FAM81A: variants seen among roughly 807,000 people sequenced by gnomAD.
FAM81A encodes protein FAM81A.
Under a neutral mutation model 46.7 loss-of-function variants are expected in FAM81A, and 19 were observed. The observed-to-expected ratio is 0.41, with a 90% CI of 0.28 to 0.60. The LOEUF (loss-of-function observed/expected upper bound fraction) is 0.60, where lower values mean the gene tolerates loss of function less well. Among genes scored for constraint, FAM81A ranks in the 20% least tolerant of loss-of-function variants. The probability of loss-of-function intolerance (pLI) is 0.34; values close to 1 mark genes in which losing one functional copy is unlikely to be tolerated. For synonymous variants in FAM81A, 183 were observed against 152.9 expected (o/e 1.20, Z -1.45); for missense variants, 377 against 453.5 (o/e 0.83, Z 1.53).
At chr15:59,445,843 TG>T (rs542300831) in intron 1 of FAM81A, among the ~76,000 whole-genome samples, 63 of 152,366 alleles carry the variant, frequency 4.1e-4, no homozygotes, top group African/African-American at 1.5e-3. Context: ...CATTTGGTAA[TG>T]TATCTTTTCT....
chr15:59,422,034 A>G (rs1429527826), intron 2 of FAM81A, among the ~76,000 whole-genome samples: 1 of 152,106 alleles, frequency 6.6e-6, no homozygotes, highest in African/African-American at 2.4e-5. Flanking sequence ...ACAGGTGTTC[A>G]TTGTATTTTT....
intron 3 of FAM81A, among the ~76,000 whole-genome samples, chr15:59,467,638 A>G (rs113372702): frequency 0.028 from 4,249 of 152,282 alleles, 96 homozygotes; most frequent in South Asian, 0.049. Context: ...TAAATATACA[A>G]TCATGTCATC....
At position 59,460,027 on chromosome 15, in the gene FAM81A, T is replaced by C; in HGVS notation, c.115T>C (p.Cys39Arg). Residue 39 changes from cysteine to arginine, a missense_variant, in exon 3 of 9, where the codon TGC becomes CGC. Coordinates refer to ENST00000288228, the MANE Select transcript of FAM81A (RefSeq NM_152450.3). This position sits in a 1 kb window ranked among gnomAD's most constrained non-coding sequence, Gnocchi z 4.4. ...GGAGCAGCTGGAAGACAGGATCCTC[T>C]GCCATGAGAAAACCACCGCCGCCCT... The part of the protein sequence containing the change: ...LVEQLEDRIL[C>R]HEKTTAALVE... 6.2e-7 allele frequency: 1 copy of C among 1,613,840 alleles called. No homozygotes were observed. The highest frequency in any genetic ancestry group is 8.5e-7 in the Non-Finnish European group (1 of 1,179,850).
intron 2 of FAM81A, among the ~76,000 whole-genome samples, chr15:59,429,081 G>A (rs555473895): frequency 5.3e-5 from 8 of 152,324 alleles, no homozygotes; most frequent in Admixed American, 1.3e-4. Flanking sequence ...GTTTAGCTGG[G>A]TGTAGAATTC....
rs138744701 is a variant in FAM81A, at chr15:59,413,182, G to T, written c.-78+10824G>T. 9.2e-5 allele frequency among the ~76,000 whole-genome samples: 14 copies of T among 152,258 alleles called. No homozygotes were observed. In the East Asian group the frequency reaches 2.1e-3, roughly 23 times the overall value. On this transcript the variant is annotated intron_variant, in intron 2 of 4. Coordinates refer to the FAM81A transcript ENST00000558348. Reference sequence around the variant, plus strand: ...CTCCTTTCTTGTGGTCTCTGTGGGAGATGGGGGAACATGGCTTACTACTGG... The same window carrying T: ...CTCCTTTCTTGTGGTCTCTGTGGGATATGGGGGAACATGGCTTACTACTGG...
chr15:59,400,259 G>A (rs1428320520), intron 1 of FAM81A, among the ~76,000 whole-genome samples: 3 of 147,654 alleles, frequency 2.0e-5, no homozygotes, highest in African/African-American at 4.9e-5. Context: ...GAGAAAGTCA[G>A]GAGTCAGCCC....
intron 6 of FAM81A, among the ~76,000 whole-genome samples, chr15:59,513,776 C>T (rs1308275980): frequency 1.3e-5 from 2 of 152,048 alleles, no homozygotes; most frequent in South Asian, 2.1e-4. Flanking sequence ...TACATGCATA[C>T]GTATGTTCAC....
intron 1 of FAM81A, among the ~76,000 whole-genome samples, chr15:59,453,417 C>T (rs902545972): frequency 6.6e-5 from 10 of 152,264 alleles, no homozygotes; most frequent in East Asian, 3.9e-4. Context: ...TCATGAGTAC[C>T]GGCCCTTCTC....
rs1310722947 is a variant in FAM81A, at chr15:59,487,186, ATT to A, written c.295-5082_295-5081del. On this transcript the variant is annotated intron_variant, in intron 3 of 8. Transcript: ENST00000288228. The stretch of plus-strand genomic sequence containing the variant: ...GCAGCACTCCTGAATATATATATAT[ATT>A]TTATATATATATTATATATATATCT... Among the ~76,000 whole-genome samples, 19 of 129,112 alleles carry A rather than the reference ATT, an allele frequency of 1.5e-4. No homozygotes were observed. In the East Asian group the frequency reaches 2.5e-3, roughly 17 times the overall value. The allele number at this position is 129,112 out of a possible 152,430, so 84.7% of individuals were successfully genotyped here. A position where few individuals can be genotyped will look rare whatever the true frequency, so the allele number is the denominator to read the frequency against.
chr15:59,421,548 A>G (rs1400344705), intron 2 of FAM81A, among the ~76,000 whole-genome samples: 2 of 152,270 alleles, frequency 1.3e-5, no homozygotes, highest in East Asian at 3.9e-4. Flanking sequence ...CTAAAATGTC[A>G]GTCTAAATCC....
At chr15:59,407,291 C>CTTTTTTTTTTTTTTTTTTTTTTTTT (rs3053043) in intron 2 of FAM81A, 1 of 120,220 alleles carries the variant, frequency 8.3e-6, no homozygotes, top group East Asian at 2.4e-4. Context: ...CTTTTCTTTC[C>CTTTTTTTTTTTTTTTTTTTTTTTTT]TTTTTTTTTT....
intron 4 of FAM81A, among the ~76,000 whole-genome samples, chr15:59,493,812 T>A (rs1460441397): frequency 6.6e-6 from 1 of 152,186 alleles, no homozygotes; most frequent in Non-Finnish European, 1.5e-5. Context: ...GGCTTCTAAC[T>A]CCTGACCTCA....
intron 2 of FAM81A, 146 bp from the exon 3 acceptor site, chr15:59,459,787 C>A: frequency 8.1e-7 from 1 of 1,231,782 alleles, no homozygotes; most frequent in South Asian, 1.7e-5. Context: ...GTGAAGAAAA[C>A]TTTTTTAGGC....
chr15:59,471,731 C>G (rs781543395), intron 3 of FAM81A, among the ~76,000 whole-genome samples: 1 of 151,862 alleles, frequency 6.6e-6, no homozygotes, highest in Non-Finnish European at 1.5e-5. Flanking sequence ...AGCCACTGTA[C>G]CTGGTCTCCT....
Position 59,516,841 on chromosome 15 carries a change from G to C in FAM81A, c.982+1G>C. 1 of 1,594,468 alleles carries C rather than the reference G, an allele frequency of 6.3e-7. No individual in the cohort carries two copies. The highest frequency in any genetic ancestry group is 8.5e-7 in the Non-Finnish European group (1 of 1,172,830). On this transcript the variant is annotated splice_donor_variant, in intron 8 of 8. Transcript: ENST00000288228. LOFTEE classifies it high-confidence loss of function. ...GAAATGAAAGCAGAAGTTAATGCTG[G>C]TAGGCCAAAACCAGAACAGCTCACG...
chr15:59,406,795 G>T (rs1343174303), intron 2 of FAM81A, among the ~76,000 whole-genome samples: 1 of 151,562 alleles, frequency 6.6e-6, no homozygotes, highest in African/African-American at 2.4e-5. Context: ...GTTCAGCTCA[G>T]TTCTCAACAT....
At chr15:59,421,884 T>TATCA (rs1555426030) in intron 2 of FAM81A, among the ~76,000 whole-genome samples, 1 of 88,746 alleles carries the variant, frequency 1.1e-5, no homozygotes, top group Non-Finnish European at 2.7e-5. Context: ...TCTATCTATC[T>TATCA]ATCTATCTAT....
intron 3 of FAM81A, among the ~76,000 whole-genome samples, chr15:59,472,159 C>T (rs915511421): frequency 1.3e-5 from 2 of 152,060 alleles, no homozygotes; most frequent in Non-Finnish European, 2.9e-5. Context: ...GCACTGAGAC[C>T]CTCCCTTTCT....
In FAM81A at chr15:59,479,723, G is replaced by A. The variant is rs969051807; in HGVS notation, c.295-12548G>A. Among the ~76,000 whole-genome samples, 28 of 151,894 alleles carry A rather than the reference G, an allele frequency of 1.8e-4. 1 individual carries two copies. The highest frequency in any genetic ancestry group is 2.9e-5 in the Non-Finnish European group (2 of 67,974). On this transcript the variant is annotated intron_variant, in intron 3 of 8. Transcript: ENST00000288228. ...TGGCACGTTTAAGAAGCAGAAAGGG[G>A]ACCAGTGGATGGAGTGCTGTGAGCT...
Sources: gnomAD v4.1 joint callset for allele counts (sites outside exome capture counted in the v4.1 genomes callset) on GRCh38, gnomAD v4.1.1 for gene constraint, Gnocchi (gnomAD v3.1) non-coding constraint, MANE v1.5 for transcripts, NCBI Gene and HGNC (gene_info 2026-07-23, HGNC 2026-07-21) for gene names.